The following TMC2 variants were observed in gnomAD, a reference collection of about 807,000 sequenced individuals.
TMC2 encodes transmembrane channel like 2.
A neutral mutation model predicts 105.9 loss-of-function variants in TMC2; 102 were observed. That is an observed-to-expected ratio of 0.96 (90% CI 0.82 to 1.14). The LOEUF is 1.14. Among genes scored for constraint, TMC2 ranks in the 50% most tolerant of loss-of-function variants. TMC2 has a pLI of 0.00. For synonymous variants in TMC2, 402 were observed against 422.8 expected (o/e 0.95, Z 0.60); for missense variants, 1,093 against 1,134.3 (o/e 0.96, Z 0.52).
Position 2,617,200 on chromosome 20 carries a change from G to A in TMC2, c.2069G>A (p.Arg690Gln), listed in dbSNP as rs777575766. 7.1e-5 allele frequency: 115 copies of A among 1,614,080 alleles called. No homozygotes were observed. The highest frequency in any genetic ancestry group is 9.2e-5 in the Non-Finnish European group (109 of 1,180,048). Residue 690 changes from arginine (R) to glutamine (Q), a missense_variant, in exon 16 of 20, where the codon CGA (arginine) becomes CAA (glutamine). Coordinates refer to ENST00000358864, the MANE Select transcript of TMC2 (RefSeq NM_080751.3). Reference sequence around the variant, plus strand: ...CATGAACGCGTGTTCAAAGCCTCCCGATCCAACAACTTCTACATGGGCCTC... The same window carrying A: ...CATGAACGCGTGTTCAAAGCCTCCCAATCCAACAACTTCTACATGGGCCTC... ...VPHERVFKAS[R>Q]SNNFYMGLLL... is the part of the protein sequence containing the mutation.
At chr20:2,552,521 ATTTG>A (rs895167112) in intron 2 of TMC2, among the ~76,000 whole-genome samples, 2 of 151,880 alleles carry the variant, frequency 1.3e-5, no homozygotes, top group Admixed American at 6.6e-5. Context: ...AGTTTCATTT[ATTTG>A]TTTGTTTGTT....
At chr20:2,607,953 C>T (rs540621815) in intron 11 of TMC2, among the ~76,000 whole-genome samples, 17 of 152,042 alleles carry the variant, frequency 1.1e-4, no homozygotes, top group African/African-American at 3.4e-4. Flanking sequence ...GGTGAAACCT[C>T]GTCTCTACTA....
At chr20:2,622,305 A>C (rs1190448730) in intron 16 of TMC2, among the ~76,000 whole-genome samples, 2 of 152,240 alleles carry the variant, frequency 1.3e-5, no homozygotes. Context: ...ACAAAATAGT[A>C]TTCCTGTTTT....
intron 5 of TMC2, among the ~76,000 whole-genome samples, chr20:2,573,385 A>G (rs970764121): frequency 6.6e-6 from 1 of 151,848 alleles, no homozygotes; most frequent in African/African-American, 2.4e-5. Context: ...GATCTTTTCC[A>G]TGTTTTATTT....
At chr20:2,621,929 T>C (rs1441821880) in intron 16 of TMC2, among the ~76,000 whole-genome samples, 1 of 152,192 alleles carries the variant, frequency 6.6e-6, no homozygotes, top group Non-Finnish European at 1.5e-5. Flanking sequence ...TGATACACCA[T>C]CTAATTCAAC....
chr20:2,557,914 G>A (rs940244593), intron 2 of TMC2, among the ~76,000 whole-genome samples: 13 of 152,196 alleles, frequency 8.5e-5, no homozygotes, highest in African/African-American at 3.1e-4. Flanking sequence ...GCCATTGCAA[G>A]GTTTGTGGAT....
Position 2,566,216 on chromosome 20 carries a change from G to A in TMC2, c.554+4206G>A, listed in dbSNP as rs115471359. 5.2e-3 allele frequency among the ~76,000 whole-genome samples: 784 copies of A among 152,152 alleles called. 4 individuals carry two copies. The highest frequency in any genetic ancestry group is 0.018 in the African/African-American group (760 of 41,498). On this transcript the variant is annotated intron_variant, in intron 4 of 19. Coordinates refer to ENST00000358864, the MANE Select transcript of TMC2 (RefSeq NM_080751.3). ...CCTAATAATTCTCACTTGTAAAATG[G>A]GAATAATAACATCTACCTCACAGGG...
intron 2 of TMC2, among the ~76,000 whole-genome samples, chr20:2,557,314 A>G (rs1409228191): frequency 3.9e-5 from 6 of 152,128 alleles, no homozygotes; most frequent in East Asian, 1.9e-4. Context: ...TTCTATTGAC[A>G]TATCCTCCGC....
At chr20:2,557,860 T>C (rs1356985203) in intron 2 of TMC2, among the ~76,000 whole-genome samples, 5 of 152,220 alleles carry the variant, frequency 3.3e-5, no homozygotes, top group Admixed American at 2.6e-4. Flanking sequence ...GCTTTCAGAA[T>C]AGGTGGCCTT....
rs147922091 is a variant in TMC2 at position 2,594,984 on chromosome 20, C to T, written c.1076+17C>T. 4.3e-4 allele frequency: 684 copies of T among 1,608,002 alleles called. 4 individuals carry two copies. The African/African-American group carries it at 7.9e-3, about 18-fold the overall frequency. On this transcript the variant is annotated intron_variant, in intron 9 of 19. Transcript: ENST00000358864. ...CATTCGATCGTAAGTATGACCGTCT[C>T]ATCCGCAGGCTTTGACTTCACAGCC...
intron 19 of TMC2, among the ~76,000 whole-genome samples, chr20:2,639,722 G>T (rs1354028032): frequency 6.6e-6 from 1 of 152,308 alleles, no homozygotes; most frequent in East Asian, 1.9e-4. Flanking sequence ...AAGTTCCCAG[G>T]AAAGTATCTT....
At chr20:2,576,900 GTT>G (rs796520290) in intron 5 of TMC2, among the ~76,000 whole-genome samples, 1 of 118,678 alleles carries the variant, frequency 8.4e-6, no homozygotes, top group African/African-American at 3.7e-5. Flanking sequence ...TTTCTTCTTG[GTT>G]TTTTTTTTTT....
chr20:2,542,334 A>C (rs2085895411), intron 2 of TMC2, among the ~76,000 whole-genome samples: 1 of 152,188 alleles, frequency 6.6e-6, no homozygotes, highest in African/African-American at 2.4e-5. Flanking sequence ...TAAGTTATGG[A>C]AGGTGACTAG....
chr20:2,579,806 T>C (rs2086175499), intron 6 of TMC2, 144 bp from the exon 7 acceptor site: 1 of 571,526 alleles, frequency 1.7e-6, no homozygotes, highest in Non-Finnish European at 3.1e-6. Context: ...AGCCTCAGGT[T>C]ATTTATCCAG....
At chr20:2,565,791 G>A (rs1368069390) in intron 4 of TMC2, among the ~76,000 whole-genome samples, 1 of 152,118 alleles carries the variant, frequency 6.6e-6, no homozygotes, top group East Asian at 1.9e-4. Context: ...TATAATCCCA[G>A]CACTTTGGGA....
intron 4 of TMC2, among the ~76,000 whole-genome samples, chr20:2,563,147 C>T (rs1260200985): frequency 6.6e-6 from 1 of 152,148 alleles, no homozygotes; most frequent in East Asian, 1.9e-4. Context: ...ACATGAGCTT[C>T]CTCATTGCTC....
At chr20:2,599,330 T>C (rs1292393886) in intron 10 of TMC2, among the ~76,000 whole-genome samples, 1 of 146,754 alleles carries the variant, frequency 6.8e-6, no homozygotes, top group Non-Finnish European at 1.5e-5. Flanking sequence ...AAATCAACCC[T>C]ATGTTTCTTT....
At chr20:2,585,756 A>G (rs1354143211) in intron 7 of TMC2, among the ~76,000 whole-genome samples, 1 of 152,214 alleles carries the variant, frequency 6.6e-6, no homozygotes, top group Non-Finnish European at 1.5e-5. Context: ...GTTTCTTACT[A>G]CATGAGTTTT....
intron 5 of TMC2, among the ~76,000 whole-genome samples, chr20:2,574,261 C>T (rs6050256): frequency 0.42 from 63,279 of 151,910 alleles, 15,023 homozygotes; most frequent in South Asian, 0.56. Context: ...TCCACAGACA[C>T]GTTTGATTTT....
Sources: gnomAD v4.1 joint callset for allele counts (sites outside exome capture counted in the v4.1 genomes callset) on GRCh38, gnomAD v4.1.1 for gene constraint, MANE v1.5 for transcripts, NCBI Gene and HGNC (gene_info 2026-07-23, HGNC 2026-07-21) for gene names.